Variants in TEX36 observed in about 807,000 individuals in gnomAD.
TEX36 encodes the protein testis expressed 36.
A neutral mutation model predicts 13.6 loss-of-function variants in TEX36; 12 were observed. The observed-to-expected ratio is 0.88, with a 90% CI of 0.56 to 1.43. TEX36 has a LOEUF of 1.43. Among genes scored for constraint, TEX36 ranks in the 40% most tolerant of loss-of-function variants. The probability of loss-of-function intolerance (pLI) is 0.00; values close to 1 mark genes in which losing one functional copy is unlikely to be tolerated. For synonymous variants in TEX36, 93 were observed against 83.0 expected (o/e 1.12, Z -0.65); for missense variants, 224 against 228.3 (o/e 0.98, Z 0.12).
chr10:125,656,053 C>A lies in TEX36; in HGVS notation c.408G>T (p.Val136=), dbSNP rs1176846873. Residue 136 remains valine, a synonymous_variant, in exon 4 of 4, where the codon GTG becomes GTT. Transcript: ENST00000368821. ...QISYVYKEAM[V]VSSFRRFPRC... is the part of the protein sequence containing the mutation. ...GTGGAAAGCGTCTGAAGCTTGAGAC[C>A]ACCATGGCTTCTTTATATACGTATG... 6.4e-7 allele frequency: 1 copy of A among 1,551,854 alleles called. No homozygotes were observed. The highest frequency in any genetic ancestry group is 2.0e-5 in the Admixed American group (1 of 50,970).
chr10:125,668,067 C>T, intron 1 of TEX36: 1 of 628,562 alleles, frequency 1.6e-6, no homozygotes, highest in Admixed American at 2.6e-5. Flanking sequence ...CCTAAAATAA[C>T]TGAGAGTCTG....
intron 3 of TEX36, among the ~76,000 whole-genome samples, chr10:125,656,850 C>A (rs1846953068): frequency 6.6e-6 from 1 of 152,040 alleles, no homozygotes. Flanking sequence ...TCACTCCCAA[C>A]ACCCCCGACC....
intron 3 of TEX36, among the ~76,000 whole-genome samples, chr10:125,643,542 G>A (rs926285766): frequency 2.4e-4 from 37 of 152,246 alleles, no homozygotes; most frequent in African/African-American, 8.7e-4. Flanking sequence ...AGGAGATTGA[G>A]ACCATCTGGT....
intron 3 of TEX36, among the ~76,000 whole-genome samples, chr10:125,601,835 G>A (rs910589709): frequency 6.6e-6 from 1 of 152,222 alleles, no homozygotes; most frequent in East Asian, 1.9e-4. Flanking sequence ...CTGCTAACCA[G>A]TTGGAGGGAG....
intron 3 of TEX36, among the ~76,000 whole-genome samples, chr10:125,635,599 G>A (rs1367509245): frequency 1.3e-5 from 2 of 152,162 alleles, no homozygotes; most frequent in Admixed American, 6.5e-5. Flanking sequence ...TACAGCGGAT[G>A]GGGGAAGTTC....
downstream of TEX36, among the ~76,000 whole-genome samples, chr10:125,650,990 T>C (rs1846843783): frequency 6.6e-6 from 1 of 152,140 alleles, no homozygotes; most frequent in South Asian, 2.1e-4. Context: ...GGTTCTGAAA[T>C]TGAGGCAATA....
intron 1 of TEX36, chr10:125,667,420 G>C: frequency 1.5e-6 from 1 of 675,926 alleles, no homozygotes; most frequent in South Asian, 1.4e-5. Flanking sequence ...TCTGCTAGCA[G>C]ATGCTGGCAT....
intron 3 of TEX36, among the ~76,000 whole-genome samples, chr10:125,586,966 G>C (rs1333797587): frequency 6.6e-6 from 1 of 152,170 alleles, no homozygotes; most frequent in East Asian, 1.9e-4. Context: ...TTTTGTGATA[G>C]AGTCCTCTTA....
intron 3 of TEX36, among the ~76,000 whole-genome samples, chr10:125,633,592 A>G (rs1220921176): frequency 6.6e-6 from 1 of 152,210 alleles, no homozygotes; most frequent in African/African-American, 2.4e-5. Flanking sequence ...GTCCCTCCCC[A>G]TAAGCAGACG....
intron 3 of TEX36, among the ~76,000 whole-genome samples, chr10:125,591,259 C>T (rs978191542): frequency 6.6e-6 from 1 of 152,202 alleles, no homozygotes; most frequent in African/African-American, 2.4e-5. Context: ...CGTTTGATGT[C>T]ATCTATATTA....
intron 3 of TEX36, among the ~76,000 whole-genome samples, chr10:125,598,314 A>G (rs73375985): frequency 0.018 from 2,689 of 152,322 alleles, 75 homozygotes; most frequent in African/African-American, 0.061. Flanking sequence ...CAGGGTAGCA[A>G]CAGTGGAGGA....
At chr10:125,669,296 A>G (rs1001792253) in intron 1 of TEX36, among the ~76,000 whole-genome samples, 2 of 151,910 alleles carry the variant, frequency 1.3e-5, no homozygotes, top group African/African-American at 4.8e-5. Context: ...TCTCAAAAAA[A>G]ATAAATAAAT....
At chr10:125,621,532 G>T, downstream of TEX36, 1 of 449,246 alleles carries the variant, frequency 2.2e-6, no homozygotes, top group Non-Finnish European at 4.5e-6. Context: ...TATTAGTCAG[G>T]GCTCTCCAGA....
At chr10:125,616,896 C>T (rs1432509482), downstream of TEX36, among the ~76,000 whole-genome samples, 4 of 151,006 alleles carry the variant, frequency 2.6e-5, no homozygotes, top group Non-Finnish European at 4.4e-5. Flanking sequence ...GTTAAAGTCT[C>T]CCATTATTAA....
At chr10:125,650,677 CA>C (rs1360267894) in intron 3 of TEX36, among the ~76,000 whole-genome samples, 2 of 151,898 alleles carry the variant, frequency 1.3e-5, no homozygotes, top group Non-Finnish European at 2.9e-5. Context: ...GATAGAGACA[CA>C]AAAAACCCTT....
chr10:125,603,089 G>C (rs1846168937), intron 3 of TEX36, among the ~76,000 whole-genome samples: 1 of 152,196 alleles, frequency 6.6e-6, no homozygotes, highest in Non-Finnish European at 1.5e-5. Flanking sequence ...TGGGCAGAAA[G>C]AGACTCGGAC....
chr10:125,624,314 C>T (rs1323287155), intron 3 of TEX36, among the ~76,000 whole-genome samples: 1 of 152,204 alleles, frequency 6.6e-6, no homozygotes, highest in Non-Finnish European at 1.5e-5. Context: ...TTTCTCTGAG[C>T]TCGGGGCAGG....
At chr10:125,681,168 G>A (rs951929838) in intron 1 of TEX36, among the ~76,000 whole-genome samples, 3 of 152,174 alleles carry the variant, frequency 2.0e-5, no homozygotes, top group Admixed American at 2.0e-4. Flanking sequence ...CTGAGTTGTG[G>A]ATTCACTGTT....
At chr10:125,618,939 T>C (rs1186628439), downstream of TEX36, among the ~76,000 whole-genome samples, 1 of 69,274 alleles carries the variant, frequency 1.4e-5, no homozygotes, top group Non-Finnish European at 2.4e-5. Flanking sequence ...ACCCCGTCTC[T>C]ACTAAAAAAA....
Sources: gnomAD v4.1 joint callset for allele counts (sites outside exome capture counted in the v4.1 genomes callset) on GRCh38, gnomAD v4.1.1 for gene constraint, MANE v1.5 for transcripts, NCBI Gene and HGNC (gene_info 2026-07-23, HGNC 2026-07-21) for gene names.